The following C17orf67 variants were observed in gnomAD, a reference collection of about 807,000 sequenced individuals.
C17orf67 encodes the protein uncharacterized protein C17orf67.
A neutral mutation model predicts 11.2 loss-of-function variants in C17orf67; 12 were observed. The observed-to-expected ratio is 1.07, with a 90% CI of 0.68 to 1.73. The LOEUF is 1.73. C17orf67 is among the 40% of genes most tolerant of loss of function. The pLI is 0.00. For missense variants in C17orf67, 115 were observed against 113.5 expected, an observed-to-expected ratio of 1.01 and a Z score of -0.06; for synonymous variants, 59 against 46.9, an observed-to-expected ratio of 1.26 and a Z score of -1.05.
intron 6 of C17orf67, among the ~76,000 whole-genome samples, chr17:56,800,360 C>T (rs759557315): frequency 1.3e-5 from 2 of 152,140 alleles, no homozygotes; most frequent in Non-Finnish European, 2.9e-5. Context: ...CCACTGCGCC[C>T]GGCAGCAAAG....
Position 56,827,665 on chromosome 17 carries a change from T to G in C17orf67, c.-556-2344A>C, listed in dbSNP as rs144713787. ...TCCTCTGTGGAGGTGGACCCTGGAC[T>G]GAACCCTGGGAAGCTGGATGAGGAG... On this transcript the variant is annotated intron_variant, in intron 2 of 7. Coordinates refer to ENST00000397861, the MANE Select transcript of C17orf67 (RefSeq NM_001085430.4). Among the ~76,000 whole-genome samples the G allele has an allele frequency of 8.6e-4, 131 of 152,350 alleles. 1 individual carries two copies. The highest frequency in any genetic ancestry group is 3.0e-3 in the African/African-American group (124 of 41,588).
chr17:56,825,947 G>GTA (rs1479565654), intron 2 of C17orf67, among the ~76,000 whole-genome samples: 1 of 84,692 alleles, frequency 1.2e-5, no homozygotes, highest in African/African-American at 4.3e-5. Context: ...ACCTGTGAGT[G>GTA]TGTGTGTGTG....
At chr17:56,825,750 G>A (rs1474607840) in intron 2 of C17orf67, among the ~76,000 whole-genome samples, 1 of 151,980 alleles carries the variant, frequency 6.6e-6, no homozygotes, top group Admixed American at 6.6e-5. Context: ...TGCTAAATAA[G>A]AGCCAGATAG....
intron 4 of C17orf67, among the ~76,000 whole-genome samples, chr17:56,816,373 A>G (rs1176423913): frequency 1.3e-5 from 2 of 152,208 alleles, no homozygotes; most frequent in Non-Finnish European, 2.9e-5. Context: ...CTAGCAATGT[A>G]GCCTTAGGTA....
At chr17:56,827,377 T>C (rs1906066242) in intron 2 of C17orf67, among the ~76,000 whole-genome samples, 1 of 152,234 alleles carries the variant, frequency 6.6e-6, no homozygotes, top group African/African-American at 2.4e-5. Context: ...CTGTTGTGGC[T>C]GTGGAATCCA....
In C17orf67 at chr17:56,820,543, C is replaced by T. The variant is rs531767251; in HGVS notation, c.-201+4196G>A. On this transcript the variant is annotated intron_variant, in intron 4 of 7. Transcript: ENST00000397861. ...AACCGAAGTACCCAGAGAAAACCCA[C>T]GCAGACATGGAAAGAACATGCAAAC... Among the ~76,000 whole-genome samples the T allele has an allele frequency of 2.6e-5, 4 of 152,284 alleles. No homozygotes were observed. In the East Asian group the frequency reaches 7.7e-4, roughly 29 times the overall value.
intron 3 of C17orf67, 85 bp from the exon 4 acceptor site, chr17:56,824,938 G>A (rs1352631453): frequency 6.6e-6 from 1 of 152,216 alleles, no homozygotes; most frequent in Admixed American, 6.5e-5. Flanking sequence ...TCAAACAAGT[G>A]AGCACACAAG....
chr17:56,825,380 C>T (rs1255819108), intron 2 of C17orf67, 59 bp from the exon 3 acceptor site: 1 of 152,210 alleles, frequency 6.6e-6, no homozygotes, highest in African/African-American at 2.4e-5. Flanking sequence ...CTCATCAACA[C>T]ATGTTGGCCA....
At chr17:56,827,841 A>G (rs1906079795) in intron 2 of C17orf67, among the ~76,000 whole-genome samples, 1 of 152,248 alleles carries the variant, frequency 6.6e-6, no homozygotes, top group Non-Finnish European at 1.5e-5. Context: ...GACTCCGTGT[A>G]ACGTGGGCAT....
chr17:56,807,492 T>C (rs1333862735), intron 6 of C17orf67, among the ~76,000 whole-genome samples: 1 of 152,178 alleles, frequency 6.6e-6, no homozygotes, highest in Non-Finnish European at 1.5e-5. Flanking sequence ...TCTGCATGTC[T>C]GACGGGATCC....
chr17:56,805,402 C>T (rs1905421927), intron 6 of C17orf67, among the ~76,000 whole-genome samples: 1 of 152,144 alleles, frequency 6.6e-6, no homozygotes, highest in African/African-American at 2.4e-5. Context: ...ATACAAAACC[C>T]TACACGTCAT....
rs143515790 is a variant in C17orf67 at position 56,831,761 on chromosome 17, A to G, written c.-557+1137T>C. On this transcript the variant is annotated intron_variant, in intron 2 of 7. Coordinates refer to ENST00000397861, the MANE Select transcript of C17orf67 (RefSeq NM_001085430.4). ...GCCTCCACCAAACACGTGTCTATGC[A>G]GGTCCACGTGCCATGTACATACGTA... 1.6e-3 allele frequency among the ~76,000 whole-genome samples: 246 copies of G among 152,296 alleles called. 1 individual carries two copies. The highest frequency in any genetic ancestry group is 0.01 in the Middle Eastern group (3 of 294).
chr17:56,805,002 A>G (rs560747325), intron 6 of C17orf67, among the ~76,000 whole-genome samples: 2 of 152,370 alleles, frequency 1.3e-5, no homozygotes, highest in East Asian at 1.9e-4. Flanking sequence ...AGGAATGGAA[A>G]GAAGTAACAA....
chr17:56,817,213 T>C (rs762003954), intron 4 of C17orf67, among the ~76,000 whole-genome samples: 1 of 152,172 alleles, frequency 6.6e-6, no homozygotes, highest in Non-Finnish European at 1.5e-5. Flanking sequence ...TTTATTTGGA[T>C]AAAATTCTGT....
At chr17:56,819,363 C>G (rs375512339) in intron 4 of C17orf67, among the ~76,000 whole-genome samples, 39 of 152,286 alleles carry the variant, frequency 2.6e-4, no homozygotes, top group African/African-American at 8.4e-4. Flanking sequence ...AGTTCCCTGC[C>G]CCCACCACCA....
chr17:56,801,342 T>C (rs1260718758), intron 6 of C17orf67, among the ~76,000 whole-genome samples: 2 of 152,202 alleles, frequency 1.3e-5, no homozygotes, highest in African/African-American at 4.8e-5. Flanking sequence ...CTCTAAATCA[T>C]GGAAACCTTC....
At chr17:56,804,702 A>G (rs1905404426) in intron 6 of C17orf67, among the ~76,000 whole-genome samples, 1 of 152,228 alleles carries the variant, frequency 6.6e-6, no homozygotes, top group African/African-American at 2.4e-5. Flanking sequence ...ACTTCCAAGA[A>G]AAGTGTATTC....
intron 4 of C17orf67, among the ~76,000 whole-genome samples, chr17:56,821,845 G>A (rs74534452): frequency 0.02 from 2,974 of 152,282 alleles, 104 homozygotes; most frequent in African/African-American, 0.068. Flanking sequence ...CTTGTTTTGG[G>A]CAGTGGGATG....
At chr17:56,810,070 TTC>T (rs1292188824) in intron 6 of C17orf67, among the ~76,000 whole-genome samples, 1 of 58,444 alleles carries the variant, frequency 1.7e-5, no homozygotes, top group Non-Finnish European at 3.8e-5. Context: ...CCCCTCACAC[TTC>T]TGACACACAC....
Sources: gnomAD v4.1 joint callset for allele counts (sites outside exome capture counted in the v4.1 genomes callset) on GRCh38, gnomAD v4.1.1 for gene constraint, MANE v1.5 for transcripts, NCBI Gene and HGNC (gene_info 2026-07-23, HGNC 2026-07-21) for gene names.